The following MAP2 variants were observed in gnomAD, a reference collection of about 807,000 sequenced individuals.
MAP2 encodes microtubule-associated protein 2.
Under a neutral mutation model 137.6 loss-of-function variants are expected in MAP2, and 14 were observed. The observed-to-expected ratio is 0.10, with a 90% CI of 0.07 to 0.16. The LOEUF is 0.16. Among genes scored for constraint, MAP2 ranks in the 10% least tolerant of loss-of-function variants. The pLI is 1.00. For missense variants in MAP2, 2,088 were observed against 2,191.5 expected (o/e 0.95, Z 0.94); for synonymous variants, 786 against 782.3 (o/e 1.00, Z -0.08).
chr2:209,542,777 A>G (rs1245473138), intron 2 of MAP2, among the ~76,000 whole-genome samples: 1 of 152,246 alleles, frequency 6.6e-6, no homozygotes, highest in South Asian at 2.1e-4. Flanking sequence ...CAGGCTTCAT[A>G]GAATTGAAAA....
At chr2:209,573,298 G>GTT (rs71043941) in intron 2 of MAP2, among the ~76,000 whole-genome samples, 155 of 120,062 alleles carry the variant, frequency 1.3e-3, no homozygotes, top group African/African-American at 1.9e-3. Flanking sequence ...TTCTTTTTCT[G>GTT]TTTTTTTTTT....
chr2:209,533,172 G>A (rs2065398437), intron 2 of MAP2, among the ~76,000 whole-genome samples: 1 of 151,772 alleles, frequency 6.6e-6, no homozygotes, highest in African/African-American at 2.4e-5. Context: ...TTGAGATGGG[G>A]TTTCGCTCAT....
intron 2 of MAP2, among the ~76,000 whole-genome samples, chr2:209,578,704 A>G (rs939288794): frequency 1.3e-5 from 2 of 152,144 alleles, no homozygotes; most frequent in East Asian, 1.9e-4. Flanking sequence ...ATTATTCCAC[A>G]CTTAACCTCC....
intron 2 of MAP2, among the ~76,000 whole-genome samples, chr2:209,551,583 T>A (rs1330467236): frequency 1.3e-5 from 2 of 152,236 alleles, no homozygotes; most frequent in Non-Finnish European, 2.9e-5. Flanking sequence ...GCAAGCTGCA[T>A]AATGCTATTT....
chr2:209,616,081 C>T (rs1326886820), intron 3 of MAP2, among the ~76,000 whole-genome samples: 1 of 152,152 alleles, frequency 6.6e-6, no homozygotes, highest in East Asian at 1.9e-4. Flanking sequence ...TCCCTCTCCA[C>T]GCTTCAATGT....
chr2:209,533,642 G>A (rs1264501625), intron 2 of MAP2, among the ~76,000 whole-genome samples: 1 of 152,150 alleles, frequency 6.6e-6, no homozygotes, highest in Non-Finnish European at 1.5e-5. Flanking sequence ...TTTTTTAATA[G>A]GATACAGCTC....
chr2:209,641,370 A>C (rs1261803259), intron 4 of MAP2, among the ~76,000 whole-genome samples: 1 of 152,120 alleles, frequency 6.6e-6, no homozygotes, highest in Non-Finnish European at 1.5e-5. Flanking sequence ...TTTCCTCTTA[A>C]GCTTTTTATC....
chr2:209,499,486 T>G (rs2060131337), intron 1 of MAP2, among the ~76,000 whole-genome samples: 2 of 152,198 alleles, frequency 1.3e-5, no homozygotes. Flanking sequence ...CATTACCCAG[T>G]TCCAAAGCTG....
chr2:209,678,526 T>C (rs757449240), intron 5 of MAP2, 46 bp from the exon 6 acceptor site: 2 of 998,692 alleles, frequency 2.0e-6, no homozygotes, highest in Non-Finnish European at 3.0e-6. Flanking sequence ...CTTTGCTTTC[T>C]CAGACTTCTC....
chr2:209,486,349 G>A (rs2058376282), intron 1 of MAP2, among the ~76,000 whole-genome samples: 1 of 151,926 alleles, frequency 6.6e-6, no homozygotes, highest in Non-Finnish European at 1.5e-5. Context: ...TGCCCCAGCT[G>A]AGTAGCTGGG....
At chr2:209,724,189 G>A (rs2072821997) in intron 13 of MAP2, among the ~76,000 whole-genome samples, 1 of 152,144 alleles carries the variant, frequency 6.6e-6, no homozygotes, top group Admixed American at 6.5e-5. Flanking sequence ...AAAACTGGTG[G>A]AGCATGGTTC....
At chr2:209,598,913 T>A (rs1284468161) in intron 3 of MAP2, among the ~76,000 whole-genome samples, 6 of 151,608 alleles carry the variant, frequency 4.0e-5, no homozygotes, top group African/African-American at 7.3e-5. Context: ...AACATACGTG[T>A]GCATGTGTCT....
intron 2 of MAP2, among the ~76,000 whole-genome samples, chr2:209,544,249 G>C (rs934949091): frequency 3.3e-5 from 5 of 151,602 alleles, no homozygotes; most frequent in African/African-American, 9.7e-5. Context: ...AAAAAAAAAC[G>C]GGGAAGAAAA....
rs551072607 is a variant in MAP2, at chr2:209,573,303, T to G, written c.-171-6733T>G. Reference sequence around the variant, plus strand: ...TTCTTTATTTTTCTTTTTCTGTTTTTTTTTTTTTTTTGAGGAGTCTTACTC... The same window carrying G: ...TTCTTTATTTTTCTTTTTCTGTTTTGTTTTTTTTTTTGAGGAGTCTTACTC... On this transcript the variant is annotated intron_variant, in intron 2 of 15. Transcript: ENST00000682079. 2.1e-3 allele frequency among the ~76,000 whole-genome samples: 311 copies of G among 148,326 alleles called. 1 individual carries two copies. The highest frequency in any genetic ancestry group is 3.8e-3 in the Non-Finnish European group (252 of 66,982).
chr2:209,656,115 T>C (rs2095127314), intron 5 of MAP2, among the ~76,000 whole-genome samples: 1 of 152,192 alleles, frequency 6.6e-6, no homozygotes, highest in Non-Finnish European at 1.5e-5. Context: ...TTCATCTTTA[T>C]TATGGGCAAT....
At chr2:209,543,639 A>G (rs1021991016) in intron 2 of MAP2, among the ~76,000 whole-genome samples, 2 of 152,246 alleles carry the variant, frequency 1.3e-5, no homozygotes, top group African/African-American at 4.8e-5. Flanking sequence ...ATGTTGGGTA[A>G]TAGAACATTT....
intron 1 of MAP2, among the ~76,000 whole-genome samples, chr2:209,472,581 A>C (rs1022282692): frequency 2.0e-5 from 3 of 152,178 alleles, no homozygotes; most frequent in Non-Finnish European, 4.4e-5. Context: ...TCATCAAAGT[A>C]CTGACAAAGG....
At chr2:209,520,612 A>T (rs2063141144) in intron 2 of MAP2, among the ~76,000 whole-genome samples, 1 of 151,872 alleles carries the variant, frequency 6.6e-6, no homozygotes, top group Non-Finnish European at 1.5e-5. Context: ...TGAGATGAAG[A>T]CCTAATTTCT....
At chr2:209,714,182 C>A (rs2066603109) in intron 13 of MAP2, among the ~76,000 whole-genome samples, 1 of 152,076 alleles carries the variant, frequency 6.6e-6, no homozygotes, top group Non-Finnish European at 1.5e-5. Flanking sequence ...ACCTGGGCAA[C>A]AAGAATGAAA....
Sources: gnomAD v4.1 joint callset for allele counts (sites outside exome capture counted in the v4.1 genomes callset) on GRCh38, gnomAD v4.1.1 for gene constraint, MANE v1.5 for transcripts, NCBI Gene and HGNC (gene_info 2026-07-23, HGNC 2026-07-21) for gene names.